Variants in TUBGCP3 observed in about 807,000 individuals in gnomAD.
TUBGCP3 encodes tubulin gamma complex component 3.
TUBGCP3 carries 50 observed loss-of-function variants against 123.1 expected under a neutral mutation model. The ratio of observed to expected loss-of-function variants is 0.41; its 90% confidence interval spans 0.32 to 0.51. The LOEUF is 0.51. Ranked by LOEUF, TUBGCP3 falls within the 20% of genes least tolerant of loss-of-function variation. The pLI is 0.36. For synonymous variants in TUBGCP3, 405 were observed against 413.9 expected, an observed-to-expected ratio of 0.98 and a Z score of 0.26; for missense variants, 882 against 1,127.0, an observed-to-expected ratio of 0.78 and a Z score of 3.11.
chr13:112,527,060 A>G lies in TUBGCP3; in HGVS notation c.1447-10T>C, dbSNP rs112733612. 88 of 1,596,556 alleles carry G rather than the reference A, an allele frequency of 5.5e-5. No homozygotes were observed. In the African/African-American group the frequency reaches 6.6e-4, roughly 12 times the overall value. On this transcript the variant is annotated splice_polypyrimidine_tract_variant and intron_variant, in intron 12 of 21. Transcript: ENST00000261965. Reference sequence around the variant, plus strand: ...TTCCTATCAAAAGGACCTAAAAAGAAAAACATTCTATGATTACTTTTATGT... The same window carrying G: ...TTCCTATCAAAAGGACCTAAAAAGAGAAACATTCTATGATTACTTTTATGT...
chr13:112,558,276 G>A lies in TUBGCP3; in HGVS notation c.468C>T (p.Ser156=), dbSNP rs541731896. ...TGCTGCTGATGCCACTGCTGCCCAC[G>A]CTGCCGGAGCTCTGGGCTGACTGGG... The part of the protein sequence containing the change: ...RSAQSAQSSG[S]VGSSGISSIG... The change falls in exon 5 of 22, where the codon AGC becomes AGT. Residue 156 remains serine, a synonymous_variant. Coordinates refer to ENST00000261965, the MANE Select transcript of TUBGCP3 (RefSeq NM_006322.6). 67 of 1,613,134 alleles carry A rather than the reference G, an allele frequency of 4.2e-5. No individual in the cohort carries two copies. The East Asian group carries it at 1.1e-3, about 26-fold the overall frequency.
chr13:112,569,302 T>G, intron 1 of TUBGCP3, 43 bp from the exon 2 acceptor site: 1 of 1,591,318 alleles, frequency 6.3e-7, no homozygotes, highest in Non-Finnish European at 8.6e-7. Flanking sequence ...CCAACCAGGT[T>G]ACGTTCTGGT....
In TUBGCP3 at chr13:112,588,114, G is replaced by T. The variant is rs533962336; in HGVS notation, c.-134C>A. ...ACAGGCTAAGGCGCGGGCGCCGCCG[G>T]CCACCAGGGCGCCATTTTAACGGAA... is the stretch of plus-strand genomic sequence containing the variant. On this transcript the variant is annotated 5_prime_UTR_variant, in exon 1 of 22. Transcript: ENST00000261965. 3 of 686,314 alleles carry T rather than the reference G, an allele frequency of 4.4e-6. No individual in the cohort carries two copies. Among genetic ancestry groups the T allele is most frequent in the African/African-American group, 1.9e-5 (1 of 52,930 alleles). The allele number at this position is 686,314 out of a possible 1,614,324, so 42.5% of individuals were successfully genotyped here.
At chr13:112,504,572 A>C in intron 18 of TUBGCP3, 54 bp downstream of exon 18, 1 of 1,362,088 alleles carries the variant, frequency 7.3e-7, no homozygotes, top group Non-Finnish European at 1.0e-6. Context: ...ATACCATGTA[A>C]AAGCCAAGAC....
intron 14 of TUBGCP3, among the ~76,000 whole-genome samples, 177 bp from the exon 15 acceptor site, chr13:112,520,198 T>C (rs1378256445): frequency 2.0e-5 from 3 of 152,224 alleles, no homozygotes; most frequent in Non-Finnish European, 2.9e-5. Flanking sequence ...CAGGGCTTAC[T>C]AATTATTGTG....
chr13:112,516,958 C>T lies in TUBGCP3; in HGVS notation c.1951-383G>A, dbSNP rs560107447. On this transcript the variant is annotated intron_variant, in intron 16 of 21. Transcript: ENST00000261965. ...ATGGAAGGTAGGCCTAGAAGAATCT[C>T]CCGTCTGAAAAGAATCCTTCAGGTT... Among the ~76,000 whole-genome samples, 59 of 152,284 alleles carry T rather than the reference C, an allele frequency of 3.9e-4. 1 individual carries two copies. The South Asian group carries it at 6.2e-3, about 16-fold the overall frequency.
At chr13:112,568,214 C>T (rs1245346912) in intron 2 of TUBGCP3, among the ~76,000 whole-genome samples, 3 of 142,700 alleles carry the variant, frequency 2.1e-5, no homozygotes, top group East Asian at 2.2e-4. Context: ...AAGGTGTTAT[C>T]ACTAAGACCC....
At chr13:112,559,078 T>C (rs1398126890) in intron 4 of TUBGCP3, among the ~76,000 whole-genome samples, 1 of 152,208 alleles carries the variant, frequency 6.6e-6, no homozygotes, top group Non-Finnish European at 1.5e-5. Context: ...AAACTAACCA[T>C]TTATTCTCTA....
intron 19 of TUBGCP3, among the ~76,000 whole-genome samples, chr13:112,499,962 A>AATT (rs1177640340): frequency 6.6e-6 from 1 of 152,222 alleles, no homozygotes; most frequent in Non-Finnish European, 1.5e-5. Context: ...GCCATAGAGC[A>AATT]AATACATTAA....
chr13:112,575,455 G>A (rs942346354), intron 1 of TUBGCP3, among the ~76,000 whole-genome samples: 1 of 152,214 alleles, frequency 6.6e-6, no homozygotes, highest in Non-Finnish European at 1.5e-5. Flanking sequence ...TAAGGCACAT[G>A]AAGCAAACTC....
chr13:112,580,022 A>C (rs911346353), intron 1 of TUBGCP3, among the ~76,000 whole-genome samples: 2 of 152,222 alleles, frequency 1.3e-5, no homozygotes, highest in Non-Finnish European at 2.9e-5. Context: ...TTGATATGGC[A>C]CTGTAAATGC....
intron 13 of TUBGCP3, among the ~76,000 whole-genome samples, chr13:112,526,598 C>T (rs778496855): frequency 8.7e-5 from 12 of 138,584 alleles, no homozygotes; most frequent in Non-Finnish European, 1.6e-4. Flanking sequence ...ACATCATCAC[C>T]ATCATCATCA....
chr13:112,560,417 G>A (rs1009771556), intron 3 of TUBGCP3, among the ~76,000 whole-genome samples: 9 of 148,876 alleles, frequency 6.0e-5, no homozygotes, highest in East Asian at 4.0e-4. Flanking sequence ...GCGACAGAGC[G>A]AGACTCCGTC....
chr13:112,517,366 T>C (rs1160055328), intron 16 of TUBGCP3, among the ~76,000 whole-genome samples: 2 of 152,216 alleles, frequency 1.3e-5, no homozygotes, highest in African/African-American at 2.4e-5. Flanking sequence ...GCATTAGCAA[T>C]TGTTTATGTA....
intron 14 of TUBGCP3, among the ~76,000 whole-genome samples, chr13:112,520,929 C>A (rs1338315777): frequency 6.6e-6 from 1 of 152,172 alleles, no homozygotes; most frequent in Admixed American, 6.5e-5. Flanking sequence ...GTCAAATAAA[C>A]CTAAAAACTA....
At position 112,505,663 on chromosome 13, in the gene TUBGCP3, C is replaced by T. The variant is rs116560739; in HGVS notation, c.2087-949G>A. ...CTCTTGGTTTAACACATGACAGCTT[C>T]GTCAGTAAAGAAAAGTGGGAGAGGA... On this transcript the variant is annotated intron_variant, in intron 17 of 21. Transcript: ENST00000261965. Among the ~76,000 whole-genome samples, 1,011 of 152,278 alleles carry T rather than the reference C, an allele frequency of 6.6e-3. 9 individuals are homozygous for T. Among genetic ancestry groups the T allele is most frequent in the African/African-American group, 0.023 (963 of 41,550 alleles).
intron 20 of TUBGCP3, among the ~76,000 whole-genome samples, chr13:112,492,151 T>C (rs1880139854): frequency 1.3e-5 from 2 of 152,236 alleles, no homozygotes; most frequent in South Asian, 2.1e-4. Flanking sequence ...GCAATAATAA[T>C]TATTGTCCTC....
At chr13:112,544,861 G>T (rs1452522867) in intron 11 of TUBGCP3, 2 of 152,200 alleles carry the variant, frequency 1.3e-5, no homozygotes, top group African/African-American at 4.8e-5. Flanking sequence ...CAATAAATTA[G>T]AAAACAAATT....
At chr13:112,498,878 C>T (rs1258114764) in intron 20 of TUBGCP3, 167 bp downstream of exon 20, 2 of 1,612,126 alleles carry the variant, frequency 1.2e-6, no homozygotes, top group Non-Finnish European at 1.7e-6. Flanking sequence ...TGGCCCCTCC[C>T]TCTTTACAAC....
Sources: allele counts gnomAD v4.1 joint callset (sites outside exome capture counted in the v4.1 genomes callset), GRCh38; gene constraint gnomAD v4.1.1; transcripts MANE v1.5; gene names NCBI Gene and HGNC (gene_info 2026-07-23, HGNC 2026-07-21).